The following GMDS variants were observed in gnomAD, a reference collection of about 807,000 sequenced individuals.
The protein encoded by GMDS is GDP-mannose 4,6-dehydratase.
A neutral mutation model predicts 49.9 loss-of-function variants in GMDS; 20 were observed. The ratio of observed to expected loss-of-function variants is 0.40; its 90% CI spans 0.28 to 0.58. The LOEUF (loss-of-function observed/expected upper bound fraction) is 0.58. Among genes scored for constraint, GMDS ranks in the 20% least tolerant of loss-of-function variants. GMDS has a pLI of 0.42. For missense variants in GMDS, 362 were observed against 481.4 expected (o/e 0.75, Z 2.32); for synonymous variants, 177 against 178.6 (o/e 0.99, Z 0.07).
chr6:1,901,684 A>G (rs767915332), intron 7 of GMDS, among the ~76,000 whole-genome samples: 1 of 152,094 alleles, frequency 6.6e-6, no homozygotes, highest in Non-Finnish European at 1.5e-5. Flanking sequence ...TTGATATGTC[A>G]TGGCAATGAC....
chr6:2,104,989 T>C lies in GMDS; in HGVS notation c.345+10782A>G, dbSNP rs546892405. On this transcript the variant is annotated intron_variant, in intron 4 of 10. Coordinates refer to ENST00000380815, the MANE Select transcript of GMDS (RefSeq NM_001500.4). ...CAAAGTCAGGAGATCGAGACCATCC[T>C]GGCTAACATGGTGAAACCCCGTCTC... Among the ~76,000 whole-genome samples, 104 of 152,068 alleles carry C rather than the reference T, an allele frequency of 6.8e-4. 1 individual carries two copies. Among genetic ancestry groups the C allele is most frequent in the African/African-American group, 2.3e-3 (95 of 41,520 alleles).
At chr6:1,779,413 C>G (rs533782001) in intron 7 of GMDS, among the ~76,000 whole-genome samples, 1 of 152,344 alleles carries the variant, frequency 6.6e-6, no homozygotes, top group East Asian at 1.9e-4. Flanking sequence ...GGGACTCTAC[C>G]TGGGCCCTCT....
chr6:1,651,977 G>C (rs1346012073), intron 9 of GMDS, among the ~76,000 whole-genome samples: 2 of 151,994 alleles, frequency 1.3e-5, no homozygotes, highest in African/African-American at 2.4e-5. Flanking sequence ...AAAGTTCCTT[G>C]TTTGATGTTT....
intron 7 of GMDS, among the ~76,000 whole-genome samples, chr6:1,783,341 T>G (rs1381203505): frequency 6.6e-6 from 1 of 152,212 alleles, no homozygotes; most frequent in Non-Finnish European, 1.5e-5. Context: ...GGGGTGCAGG[T>G]GCAAGTCTTA....
At position 1,729,555 on chromosome 6, in the gene GMDS, C is replaced by T. The variant is rs530534229; in HGVS notation, c.891-3043G>A. Among the ~76,000 whole-genome samples, 12 of 152,280 alleles carry T rather than the reference C, an allele frequency of 7.9e-5. 1 individual carries two copies. In the South Asian group the frequency reaches 2.3e-3, roughly 29 times the overall value. On this transcript the variant is annotated intron_variant, in intron 8 of 10. Transcript: ENST00000380815. ...GAATGAGGGCAGTAAGCAAAAGTTT[C>T]GGCCAAGTGCCAAAAAACATTCAGT... is the stretch of plus-strand genomic sequence containing the variant.
chr6:1,893,296 C>G (rs1395154564), intron 7 of GMDS, among the ~76,000 whole-genome samples: 1 of 150,738 alleles, frequency 6.6e-6, no homozygotes, highest in Admixed American at 6.6e-5. Flanking sequence ...CGGGTTCAAG[C>G]CATTCTCCTG....
At chr6:2,162,754 C>G (rs1777469236) in intron 1 of GMDS, among the ~76,000 whole-genome samples, 1 of 150,888 alleles carries the variant, frequency 6.6e-6, no homozygotes, top group South Asian at 2.1e-4. Context: ...TTGAGTGAGA[C>G]CCATGAGATA....
At chr6:1,764,981 TTAAA>T (rs1383593097) in intron 7 of GMDS, among the ~76,000 whole-genome samples, 3 of 152,210 alleles carry the variant, frequency 2.0e-5, no homozygotes, top group Admixed American at 6.5e-5. Flanking sequence ...TGAATTATTG[TTAAA>T]TAGTGTTCCT....
chr6:1,629,759 A>G, intron 9 of GMDS, among the ~76,000 whole-genome samples: 1 of 151,834 alleles, frequency 6.6e-6, no homozygotes, highest in South Asian at 2.1e-4. Context: ...AAATCCTCTG[A>G]CCACCCCTCT....
chr6:1,979,643 C>T (rs1022028397), intron 4 of GMDS, among the ~76,000 whole-genome samples: 31 of 152,160 alleles, frequency 2.0e-4, no homozygotes, highest in African/African-American at 7.5e-4. Flanking sequence ...TCTAGGAGAA[C>T]TTCCTCAGCC....
chr6:1,785,906 A>G (rs914219112), intron 7 of GMDS, among the ~76,000 whole-genome samples: 15 of 152,358 alleles, frequency 9.8e-5, no homozygotes, highest in African/African-American at 3.6e-4. Flanking sequence ...TTTGTGAAAA[A>G]TGCTCCTGGA....
At chr6:1,819,776 AATAT>A (rs397742149) in intron 7 of GMDS, among the ~76,000 whole-genome samples, 4,696 of 103,294 alleles carry the variant, frequency 0.045, 109 homozygotes, top group African/African-American at 0.085. Flanking sequence ...AAAAAAAAAA[AATAT>A]ATATATATAT....
chr6:1,766,340 T>C lies in GMDS; in HGVS notation c.772-23754A>G, dbSNP rs534161596. On this transcript the variant is annotated intron_variant, in intron 7 of 10. Coordinates refer to ENST00000380815, the MANE Select transcript of GMDS (RefSeq NM_001500.4). This position sits in a 1 kb window ranked among gnomAD's most constrained non-coding sequence, Gnocchi z 4.5. ...TTTGGGCTTCAGGAAACGCGGTGCA[T>C]GAGCTGTTTCAGGTGCTGGGGAAAG... Among the ~76,000 whole-genome samples, 4 of 152,230 alleles carry C rather than the reference T, an allele frequency of 2.6e-5. No individual in the cohort carries two copies. The highest frequency in any genetic ancestry group is 2.1e-4 in the South Asian group (1 of 4,818).
chr6:2,204,040 A>T (rs234954), intron 1 of GMDS, among the ~76,000 whole-genome samples: 1 of 152,006 alleles, frequency 6.6e-6, no homozygotes, highest in Non-Finnish European at 1.5e-5. Context: ...AACATTCTTA[A>T]GGAAACTTAT....
intron 4 of GMDS, among the ~76,000 whole-genome samples, chr6:2,077,661 A>G (rs1045432210): frequency 6.6e-6 from 1 of 152,062 alleles, no homozygotes; most frequent in African/African-American, 2.4e-5. Flanking sequence ...TATCTTTTCA[A>G]TGTGCAGTAG....
chr6:1,694,796 C>T (rs1323093364), intron 9 of GMDS, among the ~76,000 whole-genome samples: 1 of 152,156 alleles, frequency 6.6e-6, no homozygotes, highest in Non-Finnish European at 1.5e-5. Context: ...GTATTTATTG[C>T]AGCAATAACC....
chr6:1,995,453 A>G (rs1766217690), intron 4 of GMDS, among the ~76,000 whole-genome samples: 1 of 152,216 alleles, frequency 6.6e-6, no homozygotes, highest in African/African-American at 2.4e-5. Context: ...AAAAACTCCA[A>G]TAGAGAGTGG....
chr6:2,222,413 G>A (rs747884139), intron 1 of GMDS, among the ~76,000 whole-genome samples: 3 of 152,054 alleles, frequency 2.0e-5, no homozygotes, highest in Non-Finnish European at 4.4e-5. Context: ...GCTTATCTCC[G>A]ACCCTTTGGC....
chr6:2,169,621 CAAA>C (rs556634869), intron 1 of GMDS, among the ~76,000 whole-genome samples: 2 of 73,706 alleles, frequency 2.7e-5, no homozygotes. Context: ...CACCAGGCAG[CAAA>C]AAAAAAAAAA....
Sources: allele counts gnomAD v4.1 joint callset (sites outside exome capture counted in the v4.1 genomes callset), GRCh38; gene constraint gnomAD v4.1.1; non-coding constraint Gnocchi (gnomAD v3.1); transcripts MANE v1.5; gene names NCBI Gene and HGNC (gene_info 2026-07-23, HGNC 2026-07-21).